Variants in EPHB1 observed in about 807,000 individuals in gnomAD.
The protein encoded by EPHB1 is ephrin type-B receptor 1.
EPHB1 carries 30 observed loss-of-function variants against 94.4 expected under a neutral mutation model. The observed-to-expected ratio is 0.32, with a 90% CI of 0.24 to 0.43. The LOEUF is 0.43. Ranked by LOEUF, EPHB1 falls within the 20% of genes least tolerant of loss-of-function variation. The pLI, the probability that EPHB1 is intolerant of heterozygous loss-of-function variation, is 1.00. For missense variants in EPHB1, 1,055 were observed against 1,308.3 expected (o/e 0.81, Z 2.99); for synonymous variants, 522 against 489.1 (o/e 1.07, Z -0.89).
intron 9 of EPHB1, among the ~76,000 whole-genome samples, chr3:135,169,852 G>A (rs1467096766): frequency 2.6e-5 from 4 of 152,170 alleles, no homozygotes; most frequent in Non-Finnish European, 5.9e-5. Flanking sequence ...CCTCTAAGCC[G>A]GCTGCAGAGC....
rs546798910 is a variant in EPHB1, at chr3:135,179,913, G to A, written c.1813G>A (p.Glu605Lys). Reference protein sequence around the residue: ...IDPFTYEDPNEAVREFAKEID... With the variant: ...IDPFTYEDPNKAVREFAKEID... ...CCCCTTCACTTACGAGGATCCCAAC[G>A]AAGCTGTCCGGGAGTTTGCCAAGGA... is the stretch of plus-strand genomic sequence containing the variant. Residue 605 changes from glutamate (E) to lysine (K), a missense_variant, in exon 10 of 16, where the codon GAA becomes AAA. Physicochemically the swap from Glu to Lys is moderately conservative, Grantham distance 56. Transcript: ENST00000398015. 6.9e-5 allele frequency: 111 copies of A among 1,613,920 alleles called. No individual in the cohort carries two copies. In the East Asian group the frequency reaches 1.4e-3, roughly 21 times the overall value.
At chr3:135,150,713 A>C (rs1267185796) in intron 5 of EPHB1, among the ~76,000 whole-genome samples, 1 of 151,146 alleles carries the variant, frequency 6.6e-6, no homozygotes, top group African/African-American at 2.4e-5. Context: ...TGAATCTTGA[A>C]TTTTTTCTAT....
intron 11 of EPHB1, among the ~76,000 whole-genome samples, chr3:135,200,982 G>T (rs1419423043): frequency 2.0e-5 from 3 of 152,196 alleles, no homozygotes; most frequent in African/African-American, 7.2e-5. Flanking sequence ...GTACATTAGT[G>T]ATGGGTATGG....
intron 9 of EPHB1, among the ~76,000 whole-genome samples, chr3:135,167,431 A>G (rs184901758): frequency 6.1e-4 from 93 of 152,358 alleles, no homozygotes; most frequent in African/African-American, 2.2e-3. Flanking sequence ...ACATGAAGGT[A>G]GGGAATTAAA....
At chr3:135,239,528 G>A (rs1164709489) in intron 12 of EPHB1, among the ~76,000 whole-genome samples, 1 of 152,178 alleles carries the variant, frequency 6.6e-6, no homozygotes, top group African/African-American at 2.4e-5. Context: ...GAGAGACAGA[G>A]CCTAAGCATG....
chr3:135,011,747 T>C (rs1185457409), intron 3 of EPHB1, among the ~76,000 whole-genome samples: 2 of 152,194 alleles, frequency 1.3e-5, no homozygotes, highest in African/African-American at 4.8e-5. Context: ...AACATTTGCC[T>C]TTAGAGAAAC....
rs397816731 is a variant in EPHB1, at chr3:134,809,382, T to TTA, written c.58+13693_58+13694insTA. ...AGAAAAAGAACAGATTTTTTTTTTT[T>TTA]AAAAAAACACAGTAGCACAATGCTG... is the stretch of plus-strand genomic sequence containing the variant. On this transcript the variant is annotated intron_variant, in intron 1 of 15. Coordinates refer to ENST00000398015, the MANE Select transcript of EPHB1 (RefSeq NM_004441.5). Among the ~76,000 whole-genome samples, 81 of 139,498 alleles carry TTA rather than the reference T, an allele frequency of 5.8e-4. 1 individual carries two copies. Among genetic ancestry groups the TTA allele is most frequent in the Middle Eastern group, 3.5e-3 (1 of 282 alleles). 91.5% of individuals were successfully genotyped at this position (139,498 alleles called of 152,430 possible).
At chr3:134,926,137 G>A (rs1315576465) in intron 2 of EPHB1, among the ~76,000 whole-genome samples, 1 of 152,214 alleles carries the variant, frequency 6.6e-6, no homozygotes, top group African/African-American at 2.4e-5. Context: ...GGCCATCGCT[G>A]TGTGGGGATG....
intron 12 of EPHB1, among the ~76,000 whole-genome samples, chr3:135,234,613 A>T (rs997857732): frequency 6.6e-6 from 1 of 152,224 alleles, no homozygotes; most frequent in Non-Finnish European, 1.5e-5. Context: ...AGACAGGGTA[A>T]TTTATAAAGG....
chr3:135,042,203 G>A (rs1304097844), intron 3 of EPHB1, among the ~76,000 whole-genome samples: 1 of 152,150 alleles, frequency 6.6e-6, no homozygotes, highest in Non-Finnish European at 1.5e-5. Context: ...AAGTGTTGGT[G>A]CTATGGTATG....
chr3:134,811,665 G>A lies in EPHB1; in HGVS notation c.58+15976G>A, dbSNP rs75793885. Among the ~76,000 whole-genome samples, 1,263 of 152,174 alleles carry A rather than the reference G, an allele frequency of 8.3e-3. 14 individuals are homozygous for A. Among genetic ancestry groups the A allele is most frequent in the African/African-American group, 0.028 (1,172 of 41,506 alleles). On this transcript the variant is annotated intron_variant, in intron 1 of 15. Transcript: ENST00000398015. ...TTTGGTGGGCCACAAACCGTTATAAGATCTAAGACTTTTTAGTCTTCCTCC... is the reference window on the plus strand; with the variant it reads ...TTTGGTGGGCCACAAACCGTTATAAAATCTAAGACTTTTTAGTCTTCCTCC...
At chr3:135,153,888 A>G (rs1941273183) in intron 5 of EPHB1, among the ~76,000 whole-genome samples, 1 of 151,982 alleles carries the variant, frequency 6.6e-6, no homozygotes, top group Non-Finnish European at 1.5e-5. Context: ...AAGCCTTGCC[A>G]CCTCTGAAAG....
At chr3:134,931,027 G>C (rs774486783) in intron 2 of EPHB1, among the ~76,000 whole-genome samples, 3 of 152,168 alleles carry the variant, frequency 2.0e-5, no homozygotes, top group African/African-American at 7.2e-5. Context: ...AATGAATAAC[G>C]ATCATTCTTG....
intron 10 of EPHB1, among the ~76,000 whole-genome samples, chr3:135,183,326 C>A (rs1409253684): frequency 6.7e-6 from 1 of 149,310 alleles, no homozygotes; most frequent in Admixed American, 6.8e-5. Flanking sequence ...TATAAGCACA[C>A]CCCCACCCTC....
At chr3:134,807,425 T>G (rs1397769538) in intron 1 of EPHB1, among the ~76,000 whole-genome samples, 1 of 151,982 alleles carries the variant, frequency 6.6e-6, no homozygotes, top group Non-Finnish European at 1.5e-5. Flanking sequence ...GGTATAGCAG[T>G]TTCACATCAG....
At chr3:135,117,462 GAC>G (rs1278911945) in intron 4 of EPHB1, among the ~76,000 whole-genome samples, 3 of 152,130 alleles carry the variant, frequency 2.0e-5, no homozygotes, top group African/African-American at 7.2e-5. Context: ...TGATTTTGAA[GAC>G]ACAGAGCAGT....
intron 1 of EPHB1, among the ~76,000 whole-genome samples, chr3:134,824,986 C>T (rs2036449148): frequency 6.6e-6 from 1 of 152,246 alleles, no homozygotes. Flanking sequence ...CCAGTTGGGC[C>T]TGGCCAACCT....
intron 1 of EPHB1, among the ~76,000 whole-genome samples, chr3:134,828,193 AC>A (rs1226019983): frequency 6.6e-6 from 1 of 152,198 alleles, no homozygotes; most frequent in Non-Finnish European, 1.5e-5. Flanking sequence ...TGCAAAATTC[AC>A]GTGTTTGGCA....
At chr3:134,879,558 G>A (rs778683451) in intron 1 of EPHB1, among the ~76,000 whole-genome samples, 128 of 152,228 alleles carry the variant, frequency 8.4e-4, no homozygotes, top group Non-Finnish European at 1.3e-3. Context: ...AGGCTGAGGT[G>A]GGAGGATCAC....
Sources: allele counts gnomAD v4.1 joint callset (sites outside exome capture counted in the v4.1 genomes callset), GRCh38; gene constraint gnomAD v4.1.1; transcripts MANE v1.5; gene names NCBI Gene and HGNC (gene_info 2026-07-23, HGNC 2026-07-21).